The following CENPF variants were observed in gnomAD, a reference collection of about 807,000 sequenced individuals.
The protein encoded by CENPF is centromere protein F.
CENPF carries 214 observed loss-of-function variants against 307.3 expected under a neutral mutation model. That is an observed-to-expected ratio of 0.70 (90% CI 0.62 to 0.78). The LOEUF is 0.78. Among genes scored for constraint, CENPF ranks in the 30% least tolerant of loss-of-function variants. CENPF has a pLI of 0.00. For missense variants in CENPF, 3,401 were observed against 3,483.9 expected, an observed-to-expected ratio of 0.98 and a Z score of 0.60; for synonymous variants, 1,259 against 1,270.6, an observed-to-expected ratio of 0.99 and a Z score of 0.19.
chr1:214,641,290 A>G lies in CENPF; in HGVS notation c.2952A>G (p.Ala984=). Residue 984 remains alanine, a synonymous_variant, in exon 12 of 20, where the codon GCA becomes GCG. Transcript: ENST00000366955. The part of the protein sequence containing the change: ...QENGTLKEIN[A]SLNQEKMNLI... ...ATGGGACTCTTAAGGAAATTAATGC[A>G]TCCTTAAATCAAGAGAAGATGAACT... 1 of 1,606,468 alleles carries G rather than the reference A, an allele frequency of 6.2e-7. No homozygotes were observed.
intron 11 of CENPF, among the ~76,000 whole-genome samples, chr1:214,639,031 A>G (rs1457116236): frequency 6.6e-6 from 1 of 152,232 alleles, no homozygotes; most frequent in Non-Finnish European, 1.5e-5. Context: ...AACTATAAGT[A>G]GGTAGATTGA....
In CENPF at chr1:214,652,874, A is replaced by G. The variant is rs1328735052; in HGVS notation, c.8207A>G (p.Glu2736Gly). 5.6e-6 allele frequency: 9 copies of G among 1,604,828 alleles called. No individual in the cohort carries two copies. The highest frequency in any genetic ancestry group is 7.6e-6 in the Non-Finnish European group (9 of 1,177,398). The part of the protein sequence containing the change: ...QTYREKLTSK[E>G]ECLSSQKLEI... ...TACCGAGAGAAATTGACTTCTAAAG[A>G]AGAATGTCTCAGTTCACAGAAGCTG... Residue 2736 changes from glutamate to glycine, a missense_variant, in exon 16 of 20, where the codon GAA becomes GGA. By Grantham distance (98) the Glu-to-Gly change is moderately conservative. Transcript: ENST00000366955.
At chr1:214,658,038 C>T (rs183312361) in intron 18 of CENPF, among the ~76,000 whole-genome samples, 2 of 152,322 alleles carry the variant, frequency 1.3e-5, no homozygotes, top group African/African-American at 2.4e-5. Flanking sequence ...TTCCACAGCA[C>T]ATTGGAAATT....
In CENPF at chr1:214,637,969, A is replaced by AT. The variant is rs748349611; in HGVS notation, c.1551dup (p.Gln518SerfsTer45). 1.2e-6 allele frequency: 2 copies of AT among 1,611,214 alleles called. No homozygotes were observed. The highest frequency in any genetic ancestry group is 2.7e-5 in the African/African-American group (2 of 74,786). ...CTCAAGAACATCAAACAGTGTTTAA[A>AT]TCAGAGCCAGAATTTTGCAGAAGAA... On this transcript the variant is annotated frameshift_variant, in exon 11 of 20. Coordinates refer to ENST00000366955, the MANE Select transcript of CENPF (RefSeq NM_016343.4). LOFTEE classifies it high-confidence loss of function.
chr1:214,647,669 G>A (rs1399070926), intron 13 of CENPF, among the ~76,000 whole-genome samples: 1 of 152,180 alleles, frequency 6.6e-6, no homozygotes, highest in South Asian at 2.1e-4. Context: ...CAAAGCTTTG[G>A]TTTATGCACA....
In CENPF at chr1:214,659,311, T is replaced by G. The variant is rs1246491265; in HGVS notation, c.9141+283T>G. Among the ~76,000 whole-genome samples the G allele has an allele frequency of 6.6e-6, 1 of 152,164 alleles. No homozygotes were observed. The highest frequency in any genetic ancestry group is 2.1e-4 in the South Asian group (1 of 4,836). On this transcript the variant is annotated intron_variant, in intron 19 of 19. Transcript: ENST00000366955. The surrounding 1 kb of genome is among the most constrained non-coding windows in gnomAD (Gnocchi z 4.4). ...TGGATTTCTAAGAAAGTTTCAGGCG[T>G]TACTGATGAAGGATTTGAAGAGGTA...
chr1:214,628,065 G>T (rs889597235), intron 7 of CENPF, among the ~76,000 whole-genome samples: 1 of 152,284 alleles, frequency 6.6e-6, no homozygotes, highest in Middle Eastern at 3.4e-3. Context: ...AAAAAGGTCC[G>T]GAGTGAGTGC....
Position 214,644,995 on chromosome 1 carries a change from T to A in CENPF, c.5425T>A (p.Ser1809Thr). ...SLLNEMKELD[S>T]KLHLQEVQLM... The stretch of plus-strand genomic sequence containing the variant: ...GCTAAATGAAATGAAAGAATTAGAC[T>A]CAAAACTCCATTTACAGGAGGTACA... The change falls in exon 13 of 20, where the codon TCA (serine) becomes ACA (threonine). Residue 1809 changes from serine (S) to threonine (T), a missense_variant. By Grantham distance (58) the Ser-to-Thr change is moderately conservative (BLOSUM62 1). Coordinates refer to ENST00000366955, the MANE Select transcript of CENPF (RefSeq NM_016343.4). 1 of 1,613,374 alleles carries A rather than the reference T, an allele frequency of 6.2e-7. No individual in the cohort carries two copies.
chr1:214,647,386 T>C lies in CENPF; in HGVS notation c.7816T>C (p.Ser2606Pro), dbSNP rs748843684. 15 of 1,605,298 alleles carry C rather than the reference T, an allele frequency of 9.3e-6. No homozygotes were observed. In the East Asian group the frequency reaches 3.1e-4, roughly 33 times the overall value. Reference sequence around the variant, plus strand: ...TGAATTGACAAAAATGGACAAAATGTCCTTTGTTGAAAAAGTAAGTGGCTA... The same window carrying C: ...TGAATTGACAAAAATGGACAAAATGCCCTTTGTTGAAAAAGTAAGTGGCTA... ...ELELTKMDKM[S>P]FVEKVNKMTA... The change falls in exon 13 of 20, where the codon TCC becomes CCC. Residue 2606 changes from serine (S) to proline (P), a missense_variant. By Grantham distance (74) the Ser-to-Pro change is moderately conservative. Coordinates refer to ENST00000366955, the MANE Select transcript of CENPF (RefSeq NM_016343.4).
In CENPF at chr1:214,651,812, A is replaced by G. The variant is rs372430358; in HGVS notation, c.8086A>G (p.Ile2696Val). 1.7e-5 allele frequency: 28 copies of G among 1,613,346 alleles called. No individual in the cohort carries two copies. The African/African-American group carries it at 2.1e-4, about 12-fold the overall frequency. Residue 2696 changes from isoleucine (I) to valine (V), a missense_variant, in exon 15 of 20, where the codon ATA (isoleucine) becomes GTA (valine). Ile to Val is a conservative substitution (Grantham distance 29). Transcript: ENST00000366955. The part of the protein sequence containing the change: ...VEKEGKVREE[I>V]AEYQLRLHEA... ...AAAGGAAGGGAAAGTGAGAGAGGAA[A>G]TAGCTGAATATCAGCTACGGCTTCA...
chr1:214,634,682 A>G (rs1294825370), intron 10 of CENPF, among the ~76,000 whole-genome samples: 1 of 152,174 alleles, frequency 6.6e-6, no homozygotes, highest in Non-Finnish European at 1.5e-5. Flanking sequence ...TGACCTTTTG[A>G]TGTTAGCATT....
At chr1:214,634,012 CTGCT>C (rs963507241) in intron 10 of CENPF, among the ~76,000 whole-genome samples, 2 of 152,196 alleles carry the variant, frequency 1.3e-5, no homozygotes, top group African/African-American at 4.8e-5. Flanking sequence ...ACTTTAAAAA[CTGCT>C]TGCTTGGCCA....
Position 214,643,163 on chromosome 1 carries a change from T to C in CENPF, c.4825T>C (p.Trp1609Arg). The C allele has an allele frequency of 6.2e-7, 1 of 1,601,044 alleles. No homozygotes were observed. The highest frequency in any genetic ancestry group is 8.5e-7 in the Non-Finnish European group (1 of 1,175,856). ...GCAGTATTTGTCAGAAAATGAACAG[T>C]GGCAACAGAAGCTGACAAGCGTGAC... ...RKQYLSENEQ[W>R]QQKLTSVTLE... The change falls in exon 12 of 20, where the codon TGG (tryptophan) becomes CGG (arginine). Residue 1609 changes from tryptophan (W) to arginine (R), a missense_variant. By Grantham distance (101) the Trp-to-Arg change is moderately radical (BLOSUM62 -3). Coordinates refer to ENST00000366955, the MANE Select transcript of CENPF (RefSeq NM_016343.4).
Position 214,625,361 on chromosome 1 carries a change from C to T in CENPF, c.1068+3080C>T, listed in dbSNP as rs1657624048. Reference sequence around the variant, plus strand: ...TCCTGAATAGGAGTAGCTGGGACTACAGGCACCCACGACCATGCCCGGCTA... The same window carrying T: ...TCCTGAATAGGAGTAGCTGGGACTATAGGCACCCACGACCATGCCCGGCTA... On this transcript the variant is annotated intron_variant, in intron 7 of 19. Coordinates refer to ENST00000366955, the MANE Select transcript of CENPF (RefSeq NM_016343.4). 3.3e-5 allele frequency among the ~76,000 whole-genome samples: 5 copies of T among 152,214 alleles called. No homozygotes were observed. The South Asian group carries it at 8.3e-4, about 25-fold the overall frequency.
chr1:214,613,109 C>A, intron 1 of CENPF: 1 of 291,520 alleles, frequency 3.4e-6, no homozygotes, highest in Non-Finnish European at 6.6e-6. Flanking sequence ...GTCCACCACT[C>A]CATTACAACT....
rs748434612 is a variant in CENPF, at chr1:214,653,052, T to C, written c.8322+63T>C. 11 of 1,400,740 alleles carry C rather than the reference T, an allele frequency of 7.9e-6. No homozygotes were observed. In the East Asian group the frequency reaches 2.5e-4, roughly 32 times the overall value. The allele number at this position is 1,400,740 out of a possible 1,614,324, so 86.8% of individuals were successfully genotyped here. The stretch of plus-strand genomic sequence containing the variant: ...TTTATACAGGTGGTAGTGATTTTAA[T>C]GGTATAGCATTAAACGTTTTCATTT... On this transcript the variant is annotated intron_variant, in intron 16 of 19. Coordinates refer to ENST00000366955, the MANE Select transcript of CENPF (RefSeq NM_016343.4).
rs368928145 is a variant in CENPF at position 214,640,710 on chromosome 1, C to G, written c.2372C>G (p.Pro791Arg). ...AGTCTTTTGGCTTTTGATCAGCAGC[C>G]TGCCATGCATCATTCCTTTGCAAAT... Reference protein sequence around the residue: ...QRSLLAFDQQPAMHHSFANII... With the variant: ...QRSLLAFDQQRAMHHSFANII... The change falls in exon 12 of 20, where the codon CCT (proline) becomes CGT (arginine). Residue 791 changes from proline to arginine, a missense_variant. Physicochemically the swap from Pro to Arg is moderately radical, Grantham distance 103 (BLOSUM62 -2). Coordinates refer to ENST00000366955, the MANE Select transcript of CENPF (RefSeq NM_016343.4). The G allele has an allele frequency of 7.4e-6, 12 of 1,613,968 alleles. No homozygotes were observed. The highest frequency in any genetic ancestry group is 8.5e-7 in the Non-Finnish European group (1 of 1,180,010).
At chr1:214,655,503 C>G in intron 17 of CENPF, 100 bp downstream of exon 17, 1 of 996,644 alleles carries the variant, frequency 1.0e-6, no homozygotes, top group African/African-American at 1.7e-5. Flanking sequence ...GTGCTGTGTT[C>G]TATTACTGAG....
At chr1:214,637,678 G>C (rs1208141307) in intron 10 of CENPF, among the ~76,000 whole-genome samples, 188 bp from the exon 11 acceptor site, 2 of 152,098 alleles carry the variant, frequency 1.3e-5, no homozygotes, top group African/African-American at 4.8e-5. Context: ...GTTTGATGCT[G>C]TTGTCTTCTG....
Sources: allele counts gnomAD v4.1 joint callset (sites outside exome capture counted in the v4.1 genomes callset), GRCh38; gene constraint gnomAD v4.1.1; non-coding constraint Gnocchi (gnomAD v3.1); transcripts MANE v1.5; gene names NCBI Gene and HGNC (gene_info 2026-07-23, HGNC 2026-07-21).